Variants in NAPA observed in about 807,000 individuals in gnomAD.
NAPA encodes the protein alpha-soluble NSF attachment protein.
A neutral mutation model predicts 48.0 loss-of-function variants in NAPA; 18 were observed. The ratio of observed to expected loss-of-function variants is 0.38; its 90% CI spans 0.26 to 0.56. The LOEUF is 0.56. NAPA is among the 20% of genes least tolerant of loss of function. NAPA has a pLI of 0.77. For synonymous variants in NAPA, 152 were observed against 149.9 expected, an observed-to-expected ratio of 1.01 and a Z score of -0.10; for missense variants, 315 against 385.0, an observed-to-expected ratio of 0.82 and a Z score of 1.52.
rs577531747 is a variant in NAPA at position 47,488,182 on chromosome 19, G to A, written c.*106C>T. ...GTGCCACCTGCCCACTGTGGCCCGC[G>A]GCACTCCCCAGATGGGAAAGGAGGG... On this transcript the variant is annotated 3_prime_UTR_variant, in exon 11 of 11. Transcript: ENST00000263354. 2.7e-5 allele frequency: 29 copies of A among 1,087,286 alleles called. No homozygotes were observed. Among genetic ancestry groups the A allele is most frequent in the South Asian group, 4.4e-5 (3 of 67,954 alleles). The allele number at this position is 1,087,286 out of a possible 1,614,324, so 67.4% of individuals were successfully genotyped here.
chr19:47,484,814 C>T (rs1488939477), downstream of NAPA, among the ~76,000 whole-genome samples: 1 of 151,162 alleles, frequency 6.6e-6, no homozygotes, highest in Non-Finnish European at 1.5e-5. Flanking sequence ...AAGCGATTCT[C>T]CTGCCTCAGC....
Position 47,492,066 on chromosome 19 carries a change from G to A in NAPA, c.615C>T (p.Tyr205=), listed in dbSNP as rs1968282430. Reference sequence around the variant, plus strand: ...AGTGGCAGAGGGCCGCCTTGAAGAAGTAGTCTTTGGCGCTGTACTTGAGGA... The same window carrying A: ...AGTGGCAGAGGGCCGCCTTGAAGAAATAGTCTTTGGCGCTGTACTTGAGGA... ...SPLLKYSAKD[Y]FFKAALCHFC... is the part of the protein sequence containing the mutation. Residue 205 remains tyrosine, a synonymous_variant, in exon 8 of 11, where the codon TAC becomes TAT. Transcript: ENST00000263354. The A allele has an allele frequency of 1.2e-6, 2 of 1,614,192 alleles. No homozygotes were observed. Among genetic ancestry groups the A allele is most frequent in the East Asian group, 4.5e-5 (2 of 44,876 alleles).
chr19:47,495,810 AGACTGT>A (rs1277245292), intron 3 of NAPA: 1 of 582,116 alleles, frequency 1.7e-6, no homozygotes, highest in African/African-American at 1.9e-5. Context: ...CTGACTCTGC[AGACTGT>A]GACTTGCTGG....
chr19:47,489,814 G>A, intron 9 of NAPA, 53 bp from the exon 10 acceptor site: 1 of 1,595,974 alleles, frequency 6.3e-7, no homozygotes, highest in African/African-American at 1.3e-5. Flanking sequence ...CTGAGGTCTG[G>A]CCTGGATTAG....
chr19:47,499,329 G>A (rs1356529067), intron 3 of NAPA, among the ~76,000 whole-genome samples: 3 of 152,256 alleles, frequency 2.0e-5, no homozygotes, highest in African/African-American at 4.8e-5. Flanking sequence ...GCAGCTGAAC[G>A]TCACAGATGC....
chr19:47,490,645 C>CTAAA (rs1307789954), intron 9 of NAPA, 143 bp downstream of exon 9: 2 of 729,938 alleles, frequency 2.7e-6, no homozygotes, highest in Non-Finnish European at 4.2e-6. Flanking sequence ...ACTCAAATGG[C>CTAAA]CAAACAAAAC....
chr19:47,492,064 A>T lies in NAPA; in HGVS notation c.617T>A (p.Phe206Tyr), dbSNP rs577211846. Residue 206 changes from phenylalanine to tyrosine, a missense_variant, in exon 8 of 11, where the codon TTC becomes TAC. Physicochemically the swap from Phe to Tyr is conservative, Grantham distance 22 (BLOSUM62 3). Around this residue, in one of 3 missense-constraint regions of NAPA, gnomAD observed 137 missense variants for 150.1 expected, o/e 0.91. Coordinates refer to ENST00000263354, the MANE Select transcript of NAPA (RefSeq NM_003827.4). Reference protein sequence around the residue: ...PLLKYSAKDYFFKAALCHFCI... With the variant: ...PLLKYSAKDYYFKAALCHFCI... ...GAAGTGGCAGAGGGCCGCCTTGAAG[A>T]AGTAGTCTTTGGCGCTGTACTTGAG... 125 of 1,614,068 alleles carry T rather than the reference A, an allele frequency of 7.7e-5. No homozygotes were observed. The highest frequency in any genetic ancestry group is 7.7e-4 in the South Asian group (70 of 91,074).
At position 47,511,286 on chromosome 19, in the gene NAPA, C is replaced by A. The variant is rs1202704267; in HGVS notation, c.98+3557G>T. On this transcript the variant is annotated intron_variant, in intron 1 of 10. Transcript: ENST00000263354. ...GAGGAGGAGGTGCCTGAGTGATTCC[C>A]GCCCGCCAAGCAGGTCCTCCCAAGC... is the stretch of plus-strand genomic sequence containing the variant. Among the ~76,000 whole-genome samples, 4 of 152,142 alleles carry A rather than the reference C, an allele frequency of 2.6e-5. No individual in the cohort carries two copies. The East Asian group carries it at 5.8e-4, about 22-fold the overall frequency.
chr19:47,493,478 C>A lies in NAPA; in HGVS notation c.358G>T (p.Ala120Ser). Reference protein sequence around the residue: ...IYTDMGRFTIAAKHHISIAEI... With the variant: ...IYTDMGRFTISAKHHISIAEI... ...GCAATGGAGATGTGGTGCTTGGCCG[C>A]AATCGTGAATCGGCCCTGGAGGGGA... The change falls in exon 5 of 11, where the codon GCG becomes TCG. Residue 120 changes from alanine (A) to serine (S), a missense_variant. Coordinates refer to ENST00000263354, the MANE Select transcript of NAPA (RefSeq NM_003827.4). The surrounding 1 kb of genome is among the most constrained non-coding windows in gnomAD (Gnocchi z 6.4). 6.2e-7 allele frequency: 1 copy of A among 1,613,978 alleles called. No homozygotes were observed. Among genetic ancestry groups the A allele is most frequent in the Non-Finnish European group, 8.5e-7 (1 of 1,179,964 alleles).
rs1968632846 is a variant in NAPA, at chr19:47,503,640, C to T, written c.99-138G>A. 4.0e-5 allele frequency: 32 copies of T among 798,818 alleles called. No individual in the cohort carries two copies. In the South Asian group the frequency reaches 4.3e-4, roughly 11 times the overall value. 49.5% of individuals were successfully genotyped at this position (798,818 alleles called of 1,614,324 possible). On this transcript the variant is annotated intron_variant, in intron 1 of 10. Coordinates refer to ENST00000263354, the MANE Select transcript of NAPA (RefSeq NM_003827.4). The stretch of plus-strand genomic sequence containing the variant: ...TGTGAAGCCAGCTTCCCCCAGGCCT[C>T]TTGAGTCTGTGGCCCCCGCCCCTGC...
chr19:47,493,502 G>T lies in NAPA; in HGVS notation c.343-9C>A, dbSNP rs1461500158. ...GCAATCGTGAATCGGCCCTGGAGGG[G>T]ACACAGGAAGGGGCTGCCTGCGACT... On this transcript the variant is annotated splice_polypyrimidine_tract_variant and intron_variant, in intron 4 of 10. Transcript: ENST00000263354. The surrounding 1 kb of genome is among the most constrained non-coding windows in gnomAD (Gnocchi z 6.4). 1 of 1,613,320 alleles carries T rather than the reference G, an allele frequency of 6.2e-7. No homozygotes were observed. The highest frequency in any genetic ancestry group is 8.5e-7 in the Non-Finnish European group (1 of 1,179,686).
At chr19:47,489,796 A>T (rs772567267) in intron 9 of NAPA, 35 bp from the exon 10 acceptor site, 1 of 1,610,748 alleles carries the variant, frequency 6.2e-7, no homozygotes, top group Non-Finnish European at 8.5e-7. Context: ...TCAGGGGCCT[A>T]TGCTGACCTG....
chr19:47,496,627 G>T (rs1048169592), intron 3 of NAPA: 5 of 266,422 alleles, frequency 1.9e-5, no homozygotes, highest in Non-Finnish European at 3.8e-5. Flanking sequence ...GGTCACCGTG[G>T]GGGTCTCCAT....
At position 47,493,665 on chromosome 19, in the gene NAPA, A is replaced by T. The variant is rs1025752953; in HGVS notation, c.343-172T>A. The T allele has an allele frequency of 1.6e-6, 1 of 637,380 alleles. No homozygotes were observed. Among genetic ancestry groups the T allele is most frequent in the Non-Finnish European group, 2.8e-6 (1 of 353,126 alleles). 39.5% of individuals were successfully genotyped at this position (637,380 alleles called of 1,614,324 possible). A position where few individuals can be genotyped will look rare whatever the true frequency, so the allele number is the denominator to read the frequency against. ...TGGGGGAACACAGGAGTGAGAAGGG[A>T]GGGCCCCAGCACTAGAGGCCTGGCT... On this transcript the variant is annotated intron_variant, in intron 4 of 10. Transcript: ENST00000263354. This position sits in a 1 kb window ranked among gnomAD's most constrained non-coding sequence, Gnocchi z 6.4.
chr19:47,500,340 A>G (rs1394948806), intron 3 of NAPA, among the ~76,000 whole-genome samples: 3 of 152,138 alleles, frequency 2.0e-5, no homozygotes, highest in Admixed American at 6.5e-5. Context: ...GTGGGTCTGC[A>G]ATGGAACTCC....
intron 2 of NAPA, 42 bp from the exon 3 acceptor site, chr19:47,500,791 C>G: frequency 6.8e-7 from 1 of 1,461,936 alleles, no homozygotes; most frequent in Non-Finnish European, 9.3e-7. Context: ...CAGTGGGGCT[C>G]CACACTTTAT....
intron 1 of NAPA, chr19:47,505,337 C>T (rs1486277835): frequency 1.3e-5 from 2 of 152,222 alleles, no homozygotes; most frequent in African/African-American, 4.8e-5. Context: ...AACATTATAC[C>T]TGGGAACTTG....
At chr19:47,492,873 G>T in intron 7 of NAPA, 88 bp downstream of exon 7, 1 of 1,263,392 alleles carries the variant, frequency 7.9e-7, no homozygotes, top group South Asian at 1.2e-5. Context: ...GGGGAGGGGT[G>T]GTTCCAGAAC....
chr19:47,491,089 G>T, intron 8 of NAPA: 4 of 464,136 alleles, frequency 8.6e-6, no homozygotes, highest in South Asian at 7.8e-5. Flanking sequence ...GAGGGGGAAG[G>T]TTCCCCAGAT....
Sources: allele counts gnomAD v4.1 joint callset (sites outside exome capture counted in the v4.1 genomes callset), GRCh38; gene constraint gnomAD v4.1.1; regional missense constraint gnomAD v4.1.1; non-coding constraint Gnocchi (gnomAD v3.1); transcripts MANE v1.5; gene names NCBI Gene and HGNC (gene_info 2026-07-23, HGNC 2026-07-21).